CASK: variants seen among roughly 807,000 people sequenced by gnomAD.
CASK encodes peripheral plasma membrane protein CASK.
Under a neutral mutation model 82.9 loss-of-function variants are expected in CASK, and 4 were observed. The observed-to-expected ratio is 0.05, with a 90% CI of 0.02 to 0.11. CASK has a LOEUF of 0.11. CASK is among the 10% of genes least tolerant of loss of function. CASK has a pLI of 1.00. For missense variants in CASK, 358 were observed against 720.9 expected, an observed-to-expected ratio of 0.50 and a Z score of 5.76; for synonymous variants, 259 against 253.5, an observed-to-expected ratio of 1.02 and a Z score of -0.20.
intron 5 of CASK, among the ~76,000 whole-genome samples, chrX:41,673,677 G>C (rs968809264): frequency 9.1e-6 from 1 of 109,735 alleles, no homozygotes; most frequent in South Asian, 4.0e-4. Flanking sequence ...CCAATACAAA[G>C]GCCCACAGGA....
chrX:41,570,010 C>CTTTTTTTTTTTTTTTTT, intron 15 of CASK, among the ~76,000 whole-genome samples: 161 of 70,593 alleles, frequency 2.3e-3, no homozygotes, highest in Non-Finnish European at 2.9e-3. Context: ...TTTCTTTTTT[C>CTTTTTTTTTTTTTTTTT]TTTTTTTTTT....
intron 21 of CASK, among the ~76,000 whole-genome samples, chrX:41,551,857 G>A (rs1437006958): frequency 1.1e-5 from 1 of 87,774 alleles, no homozygotes; most frequent in Non-Finnish European, 2.1e-5. Context: ...TGCAGCCTGG[G>A]CCACAGGGCG....
chrX:41,669,791 C>T (rs928738444), intron 6 of CASK, among the ~76,000 whole-genome samples: 6 of 111,794 alleles, frequency 5.4e-5, no homozygotes, highest in African/African-American at 1.6e-4. Context: ...TGCACTGGAT[C>T]GGCTGTACTG....
intron 3 of CASK, among the ~76,000 whole-genome samples, chrX:41,762,352 A>G (rs2069016683): frequency 8.9e-6 from 1 of 112,008 alleles, no homozygotes; most frequent in Admixed American, 9.5e-5. Flanking sequence ...TGAGGTGCCA[A>G]GAAGTGAAAT....
chrX:41,657,702 T>C (rs1272274619), intron 8 of CASK, among the ~76,000 whole-genome samples: 1 of 110,909 alleles, frequency 9.0e-6, no homozygotes, highest in Non-Finnish European at 1.9e-5. Context: ...TTTATATTTT[T>C]AGTAGAGATG....
chrX:41,704,622 T>C (rs185573190), intron 5 of CASK, among the ~76,000 whole-genome samples: 17 of 112,075 alleles, frequency 1.5e-4, no homozygotes. Context: ...GTCCAGGGGA[T>C]TGATCTTGGC....
chrX:41,912,583 C>T (rs964579636), intron 1 of CASK, among the ~76,000 whole-genome samples: 6 of 107,462 alleles, frequency 5.6e-5, no homozygotes, highest in Admixed American at 1.0e-4. Context: ...GCTGGGATTA[C>T]GGGCATAAGC....
At chrX:41,632,832 A>G (rs1467037624) in intron 9 of CASK, among the ~76,000 whole-genome samples, 1 of 110,446 alleles carries the variant, frequency 9.1e-6, no homozygotes, top group Non-Finnish European at 1.9e-5. Context: ...GGATCACTTG[A>G]GGTCAGGAGT....
chrX:41,532,502 C>T (rs1474563234), intron 24 of CASK, among the ~76,000 whole-genome samples: 1 of 111,893 alleles, frequency 8.9e-6, no homozygotes, highest in Non-Finnish European at 1.9e-5. Flanking sequence ...GCAAAACACA[C>T]TTTAGGAAAT....
intron 2 of CASK, among the ~76,000 whole-genome samples, chrX:41,851,173 G>T (rs767073238): frequency 1.0e-3 from 113 of 111,895 alleles, no homozygotes; most frequent in African/African-American, 3.5e-3. Flanking sequence ...ATATCTATAC[G>T]CTGTGGTCCT....
At chrX:41,625,810 C>T (rs1418153256) in intron 10 of CASK, among the ~76,000 whole-genome samples, 2 of 109,106 alleles carry the variant, frequency 1.8e-5, no homozygotes, top group Admixed American at 9.8e-5. Flanking sequence ...GATGGAGTCT[C>T]GCATTATCGC....
chrX:41,689,029 T>A (rs112487548), intron 5 of CASK: 1 of 111,219 alleles, frequency 9.0e-6, no homozygotes, highest in Admixed American at 9.6e-5. Flanking sequence ...AAGACGAGTC[T>A]CAGTGTCTAG....
In CASK at chrX:41,516,233, G is replaced by A. The variant is rs1171857972; in HGVS notation, c.*4187C>T. The A allele has an allele frequency of 8.9e-6, 1 of 112,359 alleles. No individual in the cohort carries two copies. The highest frequency in any genetic ancestry group is 1.9e-5 in the Non-Finnish European group (1 of 53,315). 9.3% of individuals were successfully genotyped at this position (112,359 alleles called of 1,213,427 possible). On this transcript the variant is annotated 3_prime_UTR_variant, in exon 27 of 27. Transcript: ENST00000378163. ...TTTTTCCCTTTTCCCCCACTTCCTGGATGTAGGTGACAGCTAAACTTCACC... is the reference window on the plus strand; with the variant it reads ...TTTTTCCCTTTTCCCCCACTTCCTGAATGTAGGTGACAGCTAAACTTCACC...
chrX:41,828,890 G>A (rs2070726755), intron 2 of CASK, among the ~76,000 whole-genome samples: 1 of 112,144 alleles, frequency 8.9e-6, no homozygotes, highest in Non-Finnish European at 1.9e-5. Flanking sequence ...ATTTACTACT[G>A]AGGAAGAGAA....
Position 41,785,654 on chromosome X carries a change from T to A in CASK, c.278+1524A>T, listed in dbSNP as rs2069581847. 3.6e-5 allele frequency among the ~76,000 whole-genome samples: 4 copies of A among 112,406 alleles called. No homozygotes were observed. The Admixed American group carries it at 3.8e-4, about 11-fold the overall frequency. On this transcript the variant is annotated intron_variant, in intron 3 of 26. Transcript: ENST00000378163. ...CATTAACTGGTCTTAAATTTCACCT[T>A]CTTTGTTTCAGCTCCTTTGCTACAA...
At chrX:41,661,970 A>C (rs2067041271) in intron 7 of CASK, among the ~76,000 whole-genome samples, 1 of 110,763 alleles carries the variant, frequency 9.0e-6, no homozygotes, top group Non-Finnish European at 1.9e-5. Flanking sequence ...TTTTTCCTTG[A>C]CAAAGTGGTT....
intron 8 of CASK, among the ~76,000 whole-genome samples, chrX:41,637,717 C>T (rs1044461804): frequency 7.2e-5 from 8 of 110,388 alleles, no homozygotes; most frequent in African/African-American, 2.6e-4. Context: ...GATCCTGGCT[C>T]ACCACAGCCT....
Position 41,520,246 on chromosome X carries a change from G to T in CASK, c.*174C>A. On this transcript the variant is annotated 3_prime_UTR_variant, in exon 27 of 27. Transcript: ENST00000378163. ...AAAGATACTGTCTCTTTAAATTAGT[G>T]TGTAATTGTTTTTCTCCTCCTATCT... is the stretch of plus-strand genomic sequence containing the variant. 1 of 408,953 alleles carries T rather than the reference G, an allele frequency of 2.4e-6. No individual in the cohort carries two copies. The highest frequency in any genetic ancestry group is 4.2e-5 in the Admixed American group (1 of 23,976). 33.7% of individuals were successfully genotyped at this position (408,953 alleles called of 1,213,427 possible).
chrX:41,774,689 A>G (rs2069315370), intron 3 of CASK, among the ~76,000 whole-genome samples: 1 of 110,591 alleles, frequency 9.0e-6, no homozygotes, highest in Non-Finnish European at 1.9e-5. Flanking sequence ...AAACAGAGAT[A>G]TAGATCAATG....
Sources: gnomAD v4.1 joint callset for allele counts (sites outside exome capture counted in the v4.1 genomes callset) on GRCh38, gnomAD v4.1.1 for gene constraint, MANE v1.5 for transcripts, NCBI Gene and HGNC (gene_info 2026-07-23, HGNC 2026-07-21) for gene names.